The following CADM2 variants were observed in gnomAD, a reference collection of about 807,000 sequenced individuals.
The protein encoded by CADM2 is cell adhesion molecule 2.
CADM2 carries 12 observed loss-of-function variants against 49.8 expected under a neutral mutation model. That is an observed-to-expected ratio of 0.24 (90% confidence interval 0.15 to 0.39). The LOEUF is 0.39. Among genes scored for constraint, CADM2 ranks in the 10% least tolerant of loss-of-function variants. The pLI is 1.00. For missense variants in CADM2, 378 were observed against 492.3 expected (o/e 0.77, Z 2.20); for synonymous variants, 214 against 175.4 (o/e 1.22, Z -1.74).
Position 85,118,914 on chromosome 3 carries a change from T to A in CADM2, c.61+159246T>A, listed in dbSNP as rs200443935. ...ACAGGCATGCACCACCACACCCAGC[T>A]AATTTTGTATTTTTAGTAGAGACAG... is the stretch of plus-strand genomic sequence containing the variant. On this transcript the variant is annotated intron_variant, in intron 1 of 9. Transcript: ENST00000383699. 2.0e-5 allele frequency among the ~76,000 whole-genome samples: 3 copies of A among 151,974 alleles called. No homozygotes were observed. In the East Asian group the frequency reaches 5.8e-4, roughly 30 times the overall value.
At chr3:85,620,190 T>C (rs1308287236) in intron 1 of CADM2, among the ~76,000 whole-genome samples, 1 of 152,114 alleles carries the variant, frequency 6.6e-6, no homozygotes, top group East Asian at 1.9e-4. Flanking sequence ...GATATTAGAA[T>C]GAACACTTAG....
intron 1 of CADM2, among the ~76,000 whole-genome samples, chr3:85,538,876 T>C (rs1437401821): frequency 6.6e-6 from 1 of 150,654 alleles, no homozygotes; most frequent in Non-Finnish European, 1.5e-5. Context: ...GACTATAATA[T>C]CGTGAGTTGA....
Position 85,210,771 on chromosome 3 carries a change from A to G in CADM2, c.61+251103A>G, listed in dbSNP as rs893091202. Among the ~76,000 whole-genome samples the G allele has an allele frequency of 3.3e-5, 5 of 152,064 alleles. No individual in the cohort carries two copies. In the South Asian group the frequency reaches 8.3e-4, roughly 25 times the overall value. ...TGCCCATGCTGACCTCAAACTGCTG[A>G]GCTGAAGTGATCCACCCACCTCAGC... On this transcript the variant is annotated intron_variant, in intron 1 of 9. Coordinates refer to ENST00000383699, the MANE Select transcript of CADM2 (RefSeq NM_001167675.2).
intron 1 of CADM2, among the ~76,000 whole-genome samples, chr3:85,206,967 TC>T (rs76190088): frequency 0.18 from 26,529 of 150,622 alleles, 4,425 homozygotes; most frequent in African/African-American, 0.44. Flanking sequence ...GGCCATAACC[TC>T]CCCCCCTTCA....
intron 1 of CADM2, among the ~76,000 whole-genome samples, chr3:85,185,374 T>C (rs972811266): frequency 6.6e-6 from 1 of 152,162 alleles, no homozygotes; most frequent in Admixed American, 6.6e-5. Flanking sequence ...GAACATATGT[T>C]TCCCAAAACA....
intron 1 of CADM2, among the ~76,000 whole-genome samples, chr3:85,171,492 G>A (rs2040625121): frequency 1.3e-5 from 2 of 152,098 alleles, no homozygotes; most frequent in Admixed American, 6.5e-5. Flanking sequence ...TTAAAGTGCT[G>A]TATATACACT....
chr3:85,027,055 C>T (rs1441003469), intron 1 of CADM2, among the ~76,000 whole-genome samples: 1 of 135,034 alleles, frequency 7.4e-6, no homozygotes, highest in Non-Finnish European at 1.6e-5. Context: ...TCATGTGATG[C>T]TTTTATGACA....
intron 2 of CADM2, among the ~76,000 whole-genome samples, chr3:85,727,612 C>T (rs969119825): frequency 2.6e-5 from 4 of 152,072 alleles, no homozygotes; most frequent in Non-Finnish European, 4.4e-5. Context: ...GAATACATGT[C>T]TATAAATGTA....
intron 2 of CADM2, among the ~76,000 whole-genome samples, chr3:85,745,879 C>T (rs1380786811): frequency 6.6e-6 from 1 of 151,712 alleles, no homozygotes; most frequent in Non-Finnish European, 1.5e-5. Context: ...TCTCTTTTGC[C>T]TATGTTTTTT....
intron 8 of CADM2, among the ~76,000 whole-genome samples, chr3:86,006,753 T>G (rs1408061186): frequency 6.6e-6 from 1 of 151,948 alleles, no homozygotes; most frequent in Non-Finnish European, 1.5e-5. Context: ...CTAATTTAAG[T>G]ATATTGGCTG....
At chr3:85,635,946 A>T (rs533526210) in intron 1 of CADM2, among the ~76,000 whole-genome samples, 38 of 152,276 alleles carry the variant, frequency 2.5e-4, no homozygotes, top group African/African-American at 7.7e-4. Flanking sequence ...TACATTACTC[A>T]TATGTTTCTG....
intron 8 of CADM2, among the ~76,000 whole-genome samples, chr3:85,966,201 T>A (rs781530125): frequency 3.3e-5 from 5 of 151,682 alleles, no homozygotes; most frequent in Non-Finnish European, 7.4e-5. Flanking sequence ...TAGTAACTAA[T>A]TTCTCCTTCT....
rs562541489 is a variant in CADM2 at position 85,516,007 on chromosome 3, A to G, written c.62-210515A>G. On this transcript the variant is annotated intron_variant, in intron 1 of 9. Transcript: ENST00000383699. ...TCCTCATAAGGAAAGGAAATCAAAT[A>G]CAACTGTAATAACAAGTGATTAAGC... Among the ~76,000 whole-genome samples, 13 of 152,312 alleles carry G rather than the reference A, an allele frequency of 8.5e-5. No individual in the cohort carries two copies. In the South Asian group the frequency reaches 2.7e-3, roughly 32 times the overall value.
chr3:85,932,952 T>G (rs1559750614), intron 6 of CADM2, among the ~76,000 whole-genome samples: 2 of 152,180 alleles, frequency 1.3e-5, no homozygotes, highest in Non-Finnish European at 2.9e-5. Flanking sequence ...AAATTCTGTG[T>G]GTCAGATCTA....
intron 1 of CADM2, among the ~76,000 whole-genome samples, chr3:85,490,670 A>C: frequency 6.6e-6 from 1 of 152,294 alleles, no homozygotes; most frequent in Middle Eastern, 3.4e-3. Context: ...TCTTAACAAA[A>C]GTTGGCTGTG....
intron 1 of CADM2, among the ~76,000 whole-genome samples, chr3:85,375,996 T>C (rs576562108): frequency 6.6e-6 from 1 of 152,150 alleles, no homozygotes; most frequent in Non-Finnish European, 1.5e-5. Flanking sequence ...TCAGTTTTTA[T>C]GCTAAGCATT....
intron 6 of CADM2, 114 bp downstream of exon 6, chr3:85,912,657 C>T: frequency 1.0e-6 from 1 of 1,003,162 alleles, no homozygotes; most frequent in Non-Finnish European, 1.5e-6. Flanking sequence ...AAATCCACGG[C>T]AAAATGAAGT....
At chr3:85,422,058 T>G (rs1433359256) in intron 1 of CADM2, among the ~76,000 whole-genome samples, 2 of 152,260 alleles carry the variant, frequency 1.3e-5, no homozygotes, top group South Asian at 2.1e-4. Flanking sequence ...TGTGTACATA[T>G]ATATTGTGTT....
chr3:85,153,521 C>T (rs1217722048), intron 1 of CADM2, among the ~76,000 whole-genome samples: 6 of 152,178 alleles, frequency 3.9e-5, no homozygotes, highest in East Asian at 1.9e-4. Flanking sequence ...GAGGGGCGCC[C>T]GCCATTGCCC....
Sources: allele counts gnomAD v4.1 joint callset (sites outside exome capture counted in the v4.1 genomes callset), GRCh38; gene constraint gnomAD v4.1.1; transcripts MANE v1.5; gene names NCBI Gene and HGNC (gene_info 2026-07-23, HGNC 2026-07-21).